Variants in KCNAB1 observed in about 807,000 individuals in gnomAD.
The protein encoded by KCNAB1 is potassium voltage-gated channel subfamily A regulatory beta subunit 1.
KCNAB1 carries 35 observed loss-of-function variants against 64.6 expected under a neutral mutation model. That is an observed-to-expected ratio of 0.54 (90% confidence interval 0.41 to 0.72). The LOEUF is 0.72. Among genes scored for constraint, KCNAB1 ranks in the 30% least tolerant of loss-of-function variants. KCNAB1 has a pLI of 0.00. For synonymous variants in KCNAB1, 177 were observed against 183.8 expected (o/e 0.96, Z 0.30); for missense variants, 401 against 512.9 (o/e 0.78, Z 2.11).
chr3:156,279,700 C>A (rs1262492457), intron 1 of KCNAB1, among the ~76,000 whole-genome samples: 2 of 152,160 alleles, frequency 1.3e-5, no homozygotes, highest in East Asian at 3.8e-4. Flanking sequence ...TTTTGATTTG[C>A]ATTTCTCTGA....
At position 156,474,734 on chromosome 3, in the gene KCNAB1, G is replaced by A; in HGVS notation, c.572G>A (p.Gly191Glu). ...RGLSRKHIIE[G>E]LKGSLQRLQL... ...GTTTGTTTCCTGCTTCTGCTCCCAG[G>A]ATTGAAGGGCTCCCTCCAGAGGCTG... is the stretch of plus-strand genomic sequence containing the variant. The change falls in exon 8 of 14, where the codon GGA becomes GAA. Residue 191 changes from glycine (G) to glutamate (E), a missense_variant and splice_region_variant. By Grantham distance (98) the Gly-to-Glu change is moderately conservative. Transcript: ENST00000490337. 1 of 1,612,820 alleles carries A rather than the reference G, an allele frequency of 6.2e-7. No individual in the cohort carries two copies. Among genetic ancestry groups the A allele is most frequent in the Non-Finnish European group, 8.5e-7 (1 of 1,179,116 alleles).
chr3:156,446,018 A>G (rs1487005948), intron 2 of KCNAB1: 4 of 152,238 alleles, frequency 2.6e-5, no homozygotes, highest in Admixed American at 2.0e-4. Context: ...ATGTAGCAAG[A>G]CATACTTTAA....
intron 1 of KCNAB1, among the ~76,000 whole-genome samples, chr3:156,381,697 C>T (rs1219461388): frequency 6.6e-6 from 1 of 152,188 alleles, no homozygotes; most frequent in East Asian, 1.9e-4. Flanking sequence ...GAAAATGGAG[C>T]TGTTTCAGCA....
Position 156,387,060 on chromosome 3 carries a change from G to A in KCNAB1, c.276-34556G>A, listed in dbSNP as rs1576803026. Among the ~76,000 whole-genome samples, 3 of 113,702 alleles carry A rather than the reference G, an allele frequency of 2.6e-5. No homozygotes were observed. The South Asian group carries it at 8.0e-4, about 30-fold the overall frequency. 74.6% of individuals were successfully genotyped at this position (113,702 alleles called of 152,430 possible). ...GCCTGTATGCTACTCTACAATCTCT[G>A]TAGACTTACAAAATTTTCCTCTTCA... On this transcript the variant is annotated intron_variant, in intron 1 of 13. Transcript: ENST00000490337.
intron 2 of KCNAB1, among the ~76,000 whole-genome samples, chr3:156,439,277 A>C (rs1408006224): frequency 1.4e-5 from 2 of 138,126 alleles, no homozygotes; most frequent in African/African-American, 5.5e-5. Flanking sequence ...AGTAGGTATC[A>C]TTATCCATTT....
At chr3:156,381,692 T>C (rs1712168091) in intron 1 of KCNAB1, among the ~76,000 whole-genome samples, 1 of 152,140 alleles carries the variant, frequency 6.6e-6, no homozygotes. Context: ...TTGTGGAAAA[T>C]GGAGCTGTTT....
intron 1 of KCNAB1, among the ~76,000 whole-genome samples, chr3:156,195,162 C>T (rs949361236): frequency 3.3e-5 from 5 of 152,186 alleles, no homozygotes; most frequent in African/African-American, 1.2e-4. Context: ...ATATGTGCCA[C>T]ATTTTCTTTA....
intron 8 of KCNAB1, among the ~76,000 whole-genome samples, chr3:156,511,228 C>T (rs7644664): frequency 0.41 from 61,686 of 151,722 alleles, 12,888 homozygotes; most frequent in Middle Eastern, 0.52. Flanking sequence ...CTCAGCCTCC[C>T]GAGTAGCTGG....
At chr3:156,322,728 G>A (rs892386608) in intron 1 of KCNAB1, among the ~76,000 whole-genome samples, 4 of 152,134 alleles carry the variant, frequency 2.6e-5, no homozygotes, top group African/African-American at 9.7e-5. Flanking sequence ...TCCTTTACCT[G>A]CTTCTGTAGA....
rs762212308 is a variant in KCNAB1 at position 156,523,813 on chromosome 3, A to T, written c.961-14A>T. Reference sequence around the variant, plus strand: ...TACCAGACATTAACATTTCAATGTTATGCTTTTCCCCAGTGCTACCAGTGG... The same window carrying T: ...TACCAGACATTAACATTTCAATGTTTTGCTTTTCCCCAGTGCTACCAGTGG... On this transcript the variant is annotated splice_polypyrimidine_tract_variant and intron_variant, in intron 11 of 13. Coordinates refer to ENST00000490337, the MANE Select transcript of KCNAB1 (RefSeq NM_172160.3). The T allele has an allele frequency of 1.6e-5, 26 of 1,608,024 alleles. No homozygotes were observed. Among genetic ancestry groups the T allele is most frequent in the Non-Finnish European group, 2.0e-5 (24 of 1,176,478 alleles).
At chr3:156,143,392 A>G (rs777465099) in intron 1 of KCNAB1, 1 of 1,601,010 alleles carries the variant, frequency 6.2e-7, no homozygotes, top group Admixed American at 1.7e-5. Context: ...GCAGGAAACC[A>G]CCAGAGCAGA....
chr3:156,458,468 T>C (rs1712628097), intron 4 of KCNAB1, among the ~76,000 whole-genome samples: 2 of 152,194 alleles, frequency 1.3e-5, no homozygotes, highest in African/African-American at 4.8e-5. Flanking sequence ...CTAATTCACC[T>C]CCTTCCAGGT....
intron 1 of KCNAB1, chr3:156,290,920 T>C (rs1720365099): frequency 1.0e-6 from 1 of 966,050 alleles, no homozygotes; most frequent in African/African-American, 1.8e-5. Flanking sequence ...AAAGGAACTC[T>C]GACAAGGCTA....
intron 1 of KCNAB1, among the ~76,000 whole-genome samples, chr3:156,317,058 C>CTTA (rs1006682811): frequency 1.3e-5 from 2 of 152,158 alleles, no homozygotes; most frequent in Non-Finnish European, 2.9e-5. Flanking sequence ...AATGATTCTT[C>CTTA]TTATTATTAT....
intron 1 of KCNAB1, among the ~76,000 whole-genome samples, chr3:156,168,903 A>G (rs1383204244): frequency 6.6e-6 from 1 of 152,228 alleles, no homozygotes; most frequent in African/African-American, 2.4e-5. Context: ...ACATTTCTGT[A>G]AAAATCTTGT....
At chr3:156,442,247 T>C (rs114200476) in intron 2 of KCNAB1, among the ~76,000 whole-genome samples, 2,789 of 152,290 alleles carry the variant, frequency 0.018, 40 homozygotes, top group Middle Eastern at 0.034. Flanking sequence ...GTAGATTTAG[T>C]GCACTGAAAT....
chr3:156,163,582 A>T (rs1716203099), intron 1 of KCNAB1, among the ~76,000 whole-genome samples: 1 of 152,192 alleles, frequency 6.6e-6, no homozygotes, highest in Non-Finnish European at 1.5e-5. Context: ...AAACATTTTG[A>T]TGTATGCTTT....
chr3:156,320,175 A>G lies in KCNAB1; in HGVS notation c.276-101441A>G, dbSNP rs114419105. ...GCTACTGTGTCCTAGCTGCACTGAT[A>G]AGAAAAATTTTGATTTGTCAATAAT... On this transcript the variant is annotated intron_variant, in intron 1 of 13. Transcript: ENST00000490337. 7.8e-3 allele frequency among the ~76,000 whole-genome samples: 1,187 copies of G among 152,306 alleles called. 10 individuals are homozygous for G. The highest frequency in any genetic ancestry group is 0.027 in the African/African-American group (1,136 of 41,566).
At chr3:156,488,375 T>C (rs1209020173) in intron 8 of KCNAB1, among the ~76,000 whole-genome samples, 1 of 149,162 alleles carries the variant, frequency 6.7e-6, no homozygotes, top group South Asian at 2.1e-4. Flanking sequence ...ATTGAGAAGG[T>C]AGGGTTTGAG....
Sources: allele counts gnomAD v4.1 joint callset (sites outside exome capture counted in the v4.1 genomes callset), GRCh38; gene constraint gnomAD v4.1.1; transcripts MANE v1.5; gene names NCBI Gene and HGNC (gene_info 2026-07-23, HGNC 2026-07-21).